The following NAV3 variants were observed in gnomAD, a reference collection of about 807,000 sequenced individuals.
NAV3 encodes the protein neuron navigator 3, also known as pore membrane and/or filament interacting like protein 1.
In NAV3, 87 loss-of-function variants were observed where a neutral mutation model predicts 244.7. That is an observed-to-expected ratio of 0.36 (90% CI 0.30 to 0.42). NAV3 has a LOEUF of 0.42. NAV3 is among the 20% of genes least tolerant of loss of function. NAV3 has a pLI of 1.00. For missense variants in NAV3, 2,663 were observed against 2,893.3 expected, an observed-to-expected ratio of 0.92 and a Z score of 1.83; for synonymous variants, 1,126 against 1,042.2, an observed-to-expected ratio of 1.08 and a Z score of -1.55.
rs975612249 is a variant in NAV3 at position 78,211,023 on chromosome 12, A to G, written c.*506A>G. 1 of 153,038 alleles carries G rather than the reference A, an allele frequency of 6.5e-6. No individual in the cohort carries two copies. Among genetic ancestry groups the G allele is most frequent in the Non-Finnish European group, 1.5e-5 (1 of 68,422 alleles). The allele number at this position is 153,038 out of a possible 1,614,324, so 9.5% of individuals were successfully genotyped here. A position where few individuals can be genotyped will look rare whatever the true frequency, so the allele number is the denominator to read the frequency against. The stretch of plus-strand genomic sequence containing the variant: ...GCTCACCCCATTCCAGAACAAATCC[A>G]AGAGGCCAGTCCTCCATAAGCACAA... On this transcript the variant is annotated 3_prime_UTR_variant, in exon 40 of 40. Transcript: ENST00000397909.
intron 2 of NAV3, among the ~76,000 whole-genome samples, chr12:77,685,467 A>G (rs1331438055): frequency 8.7e-6 from 1 of 114,938 alleles, no homozygotes; most frequent in Admixed American, 1.0e-4. Context: ...CCCAACGCAT[A>G]CACATGCACA....
rs937828653 is a variant in NAV3 at position 78,050,169 on chromosome 12, T to G, written c.2132+68T>G. On this transcript the variant is annotated intron_variant, in intron 10 of 39. Transcript: ENST00000397909. The stretch of plus-strand genomic sequence containing the variant: ...ATAATTACAAACAAACATTTAACTT[T>G]TCTTATAATGACAGAGATGGGATTT... 8 of 1,096,588 alleles carry G rather than the reference T, an allele frequency of 7.3e-6. No individual in the cohort carries two copies. In the African/African-American group the frequency reaches 1.3e-4, roughly 18 times the overall value. The allele number at this position is 1,096,588 out of a possible 1,614,324, so 67.9% of individuals were successfully genotyped here.
intron 1 of NAV3, among the ~76,000 whole-genome samples, chr12:77,849,722 A>AGAT (rs1444526845): frequency 1.3e-5 from 2 of 152,190 alleles, no homozygotes; most frequent in African/African-American, 4.8e-5. Context: ...CAAGAATTTT[A>AGAT]GATAAGAAAT....
At chr12:77,667,030 A>C (rs1873746521) in intron 2 of NAV3, among the ~76,000 whole-genome samples, 1 of 152,174 alleles carries the variant, frequency 6.6e-6, no homozygotes, top group African/African-American at 2.4e-5. Flanking sequence ...CCCATGTCCA[A>C]ATCCGAAGAA....
At chr12:77,670,066 G>A (rs938267818) in intron 2 of NAV3, among the ~76,000 whole-genome samples, 6 of 151,954 alleles carry the variant, frequency 3.9e-5, no homozygotes, top group African/African-American at 1.4e-4. Context: ...GGTTAAACAG[G>A]AAGAGAGAAT....
At chr12:77,713,942 G>T (rs184320139) in intron 2 of NAV3, among the ~76,000 whole-genome samples, 1 of 152,038 alleles carries the variant, frequency 6.6e-6, no homozygotes, top group East Asian at 1.9e-4. Flanking sequence ...ATAAACATTA[G>T]TTGCTAATAT....
At chr12:78,038,012 T>C (rs1880205409) in intron 9 of NAV3, among the ~76,000 whole-genome samples, 1 of 152,226 alleles carries the variant, frequency 6.6e-6, no homozygotes, top group South Asian at 2.1e-4. Flanking sequence ...GTATTTAAGC[T>C]ACTATGTAGA....
intron 1 of NAV3, among the ~76,000 whole-genome samples, chr12:77,870,236 G>A (rs575184966): frequency 6.7e-4 from 102 of 151,658 alleles, no homozygotes; most frequent in Middle Eastern, 6.8e-3. Flanking sequence ...ATGTTGGCGC[G>A]CGCCTGTAGT....
chr12:78,025,481 A>G (rs1318083907), intron 9 of NAV3, among the ~76,000 whole-genome samples: 2 of 150,924 alleles, frequency 1.3e-5, no homozygotes, highest in Middle Eastern at 6.8e-3. Context: ...CTGTAGTCCC[A>G]GATACTTGGG....
At chr12:78,139,917 A>G (rs753061188) in intron 19 of NAV3, among the ~76,000 whole-genome samples, 1 of 152,190 alleles carries the variant, frequency 6.6e-6, no homozygotes, top group Non-Finnish European at 1.5e-5. Context: ...TAAATAAGGT[A>G]CATACATTTT....
rs1874254434 is a variant in NAV3 at position 78,006,550 on chromosome 12, A to G, written c.1012A>G (p.Asn338Asp). The G allele has an allele frequency of 9.9e-6, 16 of 1,614,012 alleles. No individual in the cohort carries two copies. The highest frequency in any genetic ancestry group is 1.3e-5 in the Non-Finnish European group (15 of 1,180,002). The change falls in exon 8 of 40, where the codon AAT becomes GAT. Residue 338 changes from asparagine to aspartate, a missense_variant. Asn to Asp is a conservative substitution (Grantham distance 23). This residue lies in a region of NAV3 where 1,521 missense variants were observed against 1,497.0 expected (regional missense o/e 1.02). Transcript: ENST00000397909. Reference sequence around the variant, plus strand: ...CAAGCCCTGGCGCAGCAAGTCCATGAATGTCAAACACAGTGCCACCTCCAC... The same window carrying G: ...CAAGCCCTGGCGCAGCAAGTCCATGGATGTCAAACACAGTGCCACCTCCAC... ...ASKPWRSKSM[N>D]VKHSATSTML...
rs1349578020 is a variant in NAV3 at position 78,050,852 on chromosome 12, A to G, written c.2221A>G (p.Thr741Ala). Residue 741 changes from threonine to alanine, a missense_variant, in exon 11 of 40, where the codon ACC becomes GCC. Physicochemically the swap from Thr to Ala is moderately conservative, Grantham distance 58. Coordinates refer to ENST00000397909, the MANE Select transcript of NAV3 (RefSeq NM_001024383.2). ...CTTGACAAGTCGACCCACCCCCATG[A>G]CCTGGAGGTTGGGCCAGGCATGTCC... ...PNLTSRPTPM[T>A]WRLGQACPRL... 1 of 1,613,960 alleles carries G rather than the reference A, an allele frequency of 6.2e-7. No individual in the cohort carries two copies. The highest frequency in any genetic ancestry group is 2.2e-5 in the East Asian group (1 of 44,874).
intron 12 of NAV3, among the ~76,000 whole-genome samples, chr12:78,069,960 A>C (rs1457210791): frequency 6.6e-6 from 1 of 152,092 alleles, no homozygotes; most frequent in Non-Finnish European, 1.5e-5. Context: ...ATATTTTGTC[A>C]GTTAGGTTTT....
chr12:78,196,539 G>T (rs1442106885), intron 34 of NAV3, among the ~76,000 whole-genome samples: 1 of 151,880 alleles, frequency 6.6e-6, no homozygotes, highest in Non-Finnish European at 1.5e-5. Flanking sequence ...TATGTTCCTG[G>T]CCTACCCATC....
chr12:77,879,585 G>T (rs1222941225), intron 1 of NAV3, among the ~76,000 whole-genome samples: 1 of 144,104 alleles, frequency 6.9e-6, no homozygotes. Flanking sequence ...TGAGGCAAGA[G>T]AATTGCTTGA....
intron 3 of NAV3, among the ~76,000 whole-genome samples, chr12:77,947,758 A>G (rs1890500651): frequency 2.0e-5 from 3 of 152,058 alleles, no homozygotes; most frequent in African/African-American, 7.2e-5. Context: ...TCGCAAAAAT[A>G]TGTATAAACT....
At chr12:77,579,787 T>G (rs1395432702) in intron 2 of NAV3, among the ~76,000 whole-genome samples, 2 of 152,214 alleles carry the variant, frequency 1.3e-5, no homozygotes, top group Non-Finnish European at 2.9e-5. Flanking sequence ...TAAAACATAG[T>G]ACAGCAAAGA....
intron 2 of NAV3, among the ~76,000 whole-genome samples, chr12:77,658,590 C>T (rs2137024253): frequency 6.6e-6 from 1 of 152,062 alleles, no homozygotes; most frequent in Non-Finnish European, 1.5e-5. Context: ...ACTTTCTTCA[C>T]AGAATTGGAA....
intron 3 of NAV3, among the ~76,000 whole-genome samples, chr12:77,960,859 A>G (rs1456204604): frequency 1.2e-4 from 6 of 50,372 alleles, no homozygotes; most frequent in Non-Finnish European, 2.3e-4. Flanking sequence ...TGTATATATT[A>G]CACACATATA....
Sources: allele counts gnomAD v4.1 joint callset (sites outside exome capture counted in the v4.1 genomes callset), GRCh38; gene constraint gnomAD v4.1.1; regional missense constraint gnomAD v4.1.1; transcripts MANE v1.5; gene names NCBI Gene and HGNC (gene_info 2026-07-23, HGNC 2026-07-21).